EIF1AX: variants seen among roughly 807,000 people sequenced by gnomAD.
EIF1AX encodes the protein eukaryotic translation initiation factor 1A, X-chromosomal.
Under a neutral mutation model 16.1 loss-of-function variants are expected in EIF1AX, and 1 was observed. That is an observed-to-expected ratio of 0.06 (90% CI 0.02 to 0.30). The LOEUF is 0.30. EIF1AX is among the 10% of genes least tolerant of loss of function. The probability of loss-of-function intolerance (pLI) is 1.00; values close to 1 mark genes in which losing one functional copy is unlikely to be tolerated. For synonymous variants in EIF1AX, 32 were observed against 37.3 expected, an observed-to-expected ratio of 0.86 and a Z score of 0.51; for missense variants, 11 against 109.1, an observed-to-expected ratio of 0.10 and a Z score of 4.00.
In EIF1AX at chrX:20,127,608, T is replaced by C. The variant is rs1174604813; in HGVS notation, c.*698A>G. 9.3e-5 allele frequency: 14 copies of C among 150,279 alleles called. No homozygotes were observed. Among genetic ancestry groups the C allele is most frequent in the Non-Finnish European group, 1.8e-4 (14 of 76,651 alleles). The allele number at this position is 150,279 out of a possible 1,213,427, so 12.4% of individuals were successfully genotyped here. A position where few individuals can be genotyped will look rare whatever the true frequency, so the allele number is the denominator to read the frequency against. On this transcript the variant is annotated 3_prime_UTR_variant, in exon 7 of 7. Coordinates refer to ENST00000379607, the MANE Select transcript of EIF1AX (RefSeq NM_001412.4). ...AAAGAAAAGTCAACAATTGTATCAG[T>C]ACTTCCCCTGTTAAGATAACTGAGT...
intron 5 of EIF1AX, 151 bp downstream of exon 5, chrX:20,132,031 G>C: frequency 3.0e-6 from 1 of 328,226 alleles, no homozygotes; most frequent in Non-Finnish European, 5.5e-6. Context: ...CTTTCTTATA[G>C]TATCTAGTAT....
At position 20,126,382 on chromosome X, in the gene EIF1AX, A is replaced by G. The variant is rs2066985308; in HGVS notation, c.*1924T>C. On this transcript the variant is annotated 3_prime_UTR_variant, in exon 7 of 7. Coordinates refer to ENST00000379607, the MANE Select transcript of EIF1AX (RefSeq NM_001412.4). Reference sequence around the variant, plus strand: ...GAGATTTCCTAGGATTTAACAGCCCAAGATTGGGCTGTTACTACCTCAGCA... The same window carrying G: ...GAGATTTCCTAGGATTTAACAGCCCGAGATTGGGCTGTTACTACCTCAGCA... 1 of 128,824 alleles carries G rather than the reference A, an allele frequency of 7.8e-6. No homozygotes were observed. The allele number at this position is 128,824 out of a possible 1,213,427, so 10.6% of individuals were successfully genotyped here. A position where few individuals can be genotyped will look rare whatever the true frequency, so the allele number is the denominator to read the frequency against.
At chrX:20,129,061 C>T (rs566432443) in intron 6 of EIF1AX, among the ~76,000 whole-genome samples, 32 of 110,912 alleles carry the variant, frequency 2.9e-4, no homozygotes, top group African/African-American at 1.0e-3. Context: ...ATTCTATTGT[C>T]AAAATATTAG....
rs1274801411 is a variant in EIF1AX, at chrX:20,136,032, CTA to C, written c.101-193_101-192del. ...TAACGGCAGAGCTAGAACTAAGACT[CTA>C]TGATGACATTTCTTTCTTTCTTTCT... On this transcript the variant is annotated intron_variant, in intron 2 of 6. Transcript: ENST00000379607. 9 of 397,370 alleles carry C rather than the reference CTA, an allele frequency of 2.3e-5. No homozygotes were observed. The South Asian group carries it at 3.3e-4, about 15-fold the overall frequency. 32.7% of individuals were successfully genotyped at this position (397,370 alleles called of 1,213,427 possible).
Position 20,127,072 on chromosome X carries a change from A to G in EIF1AX, c.*1234T>C, listed in dbSNP as rs2148606124. ...TTGGCTAGTGAGGGCTAACTAGCTCAGCCCTAGTTTCATTTTATTAGAGTT... is the reference window on the plus strand; with the variant it reads ...TTGGCTAGTGAGGGCTAACTAGCTCGGCCCTAGTTTCATTTTATTAGAGTT... On this transcript the variant is annotated 3_prime_UTR_variant, in exon 7 of 7. Coordinates refer to ENST00000379607, the MANE Select transcript of EIF1AX (RefSeq NM_001412.4). The G allele has an allele frequency of 6.8e-6, 1 of 146,230 alleles. No individual in the cohort carries two copies. Among genetic ancestry groups the G allele is most frequent in the South Asian group, 3.2e-4 (1 of 3,136 alleles). The allele number at this position is 146,230 out of a possible 1,213,427, so 12.1% of individuals were successfully genotyped here.
At chrX:20,133,876 C>T (rs1265456109) in intron 4 of EIF1AX, 81 bp downstream of exon 4, 4 of 784,264 alleles carry the variant, frequency 5.1e-6, no homozygotes, top group Non-Finnish European at 7.5e-6. Context: ...TAGCACAATG[C>T]CTGAAACAAA....
intron 5 of EIF1AX, 86 bp from the exon 6 acceptor site, chrX:20,130,693 A>G: frequency 1.1e-6 from 1 of 871,183 alleles, no homozygotes; most frequent in Non-Finnish European, 1.5e-6. Context: ...TATATAAGAC[A>G]ATAACTATAA....
chrX:20,134,600 T>C, intron 3 of EIF1AX, among the ~76,000 whole-genome samples: 1 of 109,333 alleles, frequency 9.1e-6, no homozygotes, highest in African/African-American at 3.3e-5. Context: ...TAGCGAGGCG[T>C]GGTGGCGCAT....
intron 4 of EIF1AX, among the ~76,000 whole-genome samples, chrX:20,132,601 T>G (rs1482957234): frequency 8.9e-6 from 1 of 111,916 alleles, no homozygotes; most frequent in African/African-American, 3.2e-5. Flanking sequence ...GGACAATAAT[T>G]TGCAGGGTGA....
intron 6 of EIF1AX, among the ~76,000 whole-genome samples, chrX:20,128,710 T>A (rs1482160233): frequency 1.8e-5 from 2 of 111,829 alleles, no homozygotes; most frequent in Non-Finnish European, 3.8e-5. Context: ...AGTAGGGTTC[T>A]CAGGTGACAG....
intron 2 of EIF1AX, among the ~76,000 whole-genome samples, chrX:20,137,165 C>A (rs1206371223): frequency 8.9e-6 from 1 of 112,073 alleles, no homozygotes; most frequent in African/African-American, 3.2e-5. Context: ...ACATATGGGG[C>A]TAGGTGCGGT....
intron 3 of EIF1AX, 38 bp from the exon 4 acceptor site, chrX:20,134,045 A>G: frequency 6.1e-6 from 7 of 1,141,261 alleles, no homozygotes; most frequent in Non-Finnish European, 7.1e-6. Context: ...CATTTAAAAT[A>G]ACGAAGAATC....
At position 20,126,220 on chromosome X, in the gene EIF1AX, A is replaced by G. The variant is rs968063929; in HGVS notation, c.*2086T>C. ...AAATGAAAAATAAAACTTCTTGGAGACCATTTCCATTATTTATGATTAAAT... is the reference window on the plus strand; with the variant it reads ...AAATGAAAAATAAAACTTCTTGGAGGCCATTTCCATTATTTATGATTAAAT... On this transcript the variant is annotated 3_prime_UTR_variant, in exon 7 of 7. Coordinates refer to ENST00000379607, the MANE Select transcript of EIF1AX (RefSeq NM_001412.4). The G allele has an allele frequency of 1.4e-5, 2 of 140,535 alleles. No homozygotes were observed. The highest frequency in any genetic ancestry group is 2.7e-3 in the Middle Eastern group (1 of 365). 11.6% of individuals were successfully genotyped at this position (140,535 alleles called of 1,213,427 possible). A position where few individuals can be genotyped will look rare whatever the true frequency, so the allele number is the denominator to read the frequency against.
At chrX:20,133,797 C>G (rs1341165452) in intron 4 of EIF1AX, among the ~76,000 whole-genome samples, 160 bp downstream of exon 4, 2 of 112,172 alleles carry the variant, frequency 1.8e-5, no homozygotes, top group African/African-American at 6.5e-5. Context: ...GGGCACTTAA[C>G]TCATTCAGCT....
chrX:20,133,826 G>C, intron 4 of EIF1AX, 131 bp downstream of exon 4: 1 of 515,488 alleles, frequency 1.9e-6, no homozygotes, highest in East Asian at 3.8e-5. Context: ...TAGAATAATG[G>C]CTCCCAGATT....
intron 6 of EIF1AX, among the ~76,000 whole-genome samples, chrX:20,128,641 C>T (rs888313961): frequency 3.6e-5 from 4 of 112,094 alleles, no homozygotes; most frequent in South Asian, 3.7e-4. Context: ...CCTAATTCTC[C>T]TGAGTCAATC....
chrX:20,135,086 G>A (rs907128986), intron 3 of EIF1AX, among the ~76,000 whole-genome samples: 25 of 103,193 alleles, frequency 2.4e-4, no homozygotes, highest in African/African-American at 8.6e-4. Context: ...CTTGCAACTA[G>A]AATAGTACCC....
chrX:20,136,238 C>A (rs1414960622), intron 2 of EIF1AX: 1 of 352,335 alleles, frequency 2.8e-6, no homozygotes, highest in Non-Finnish European at 5.5e-6. Context: ...CGTGCACACA[C>A]ACACACACCC....
intron 2 of EIF1AX, chrX:20,136,184 A>C (rs2067016208): frequency 1.3e-5 from 4 of 304,296 alleles, no homozygotes; most frequent in Non-Finnish European, 2.5e-5. Context: ...CCTCACCCCC[A>C]ATCTCATTCA....
Sources: allele counts gnomAD v4.1 joint callset (sites outside exome capture counted in the v4.1 genomes callset), GRCh38; gene constraint gnomAD v4.1.1; transcripts MANE v1.5; gene names NCBI Gene and HGNC (gene_info 2026-07-23, HGNC 2026-07-21).